Variants in TNR observed in about 807,000 individuals in gnomAD.
The protein encoded by TNR is tenascin-R.
TNR carries 45 observed loss-of-function variants against 150.4 expected under a neutral mutation model. The observed-to-expected ratio is 0.30, with a 90% CI of 0.24 to 0.38. The LOEUF (loss-of-function observed/expected upper bound fraction) is 0.38, where lower values mean the gene tolerates loss of function less well. TNR is among the 10% of genes least tolerant of loss of function. The pLI is 1.00. For synonymous variants in TNR, 687 were observed against 678.4 expected, an observed-to-expected ratio of 1.01 and a Z score of -0.20; for missense variants, 1,544 against 1,759.1, an observed-to-expected ratio of 0.88 and a Z score of 2.19.
intron 1 of TNR, among the ~76,000 whole-genome samples, chr1:175,647,210 C>CAA (rs149225510): frequency 6.6e-6 from 1 of 151,244 alleles, no homozygotes; most frequent in African/African-American, 2.4e-5. Flanking sequence ...TTGGCATATG[C>CAA]AAAAAAAAGG....
intron 2 of TNR, among the ~76,000 whole-genome samples, chr1:175,506,849 C>T (rs1658976303): frequency 6.6e-6 from 1 of 152,262 alleles, no homozygotes; most frequent in Non-Finnish European, 1.5e-5. Context: ...TAGGCACCCA[C>T]TCTGGGCCAG....
At chr1:175,430,837 C>A (rs1270904435) in intron 2 of TNR, among the ~76,000 whole-genome samples, 1 of 152,110 alleles carries the variant, frequency 6.6e-6, no homozygotes, top group Non-Finnish European at 1.5e-5. Context: ...AGGGAAACAT[C>A]ATTACTTAAA....
chr1:175,454,615 G>T (rs922102261), intron 2 of TNR, among the ~76,000 whole-genome samples: 3 of 152,130 alleles, frequency 2.0e-5, no homozygotes, highest in African/African-American at 7.2e-5. Context: ...GGGATTACAG[G>T]CATGTGCCAC....
intron 18 of TNR, among the ~76,000 whole-genome samples, chr1:175,346,845 G>T (rs1650810782): frequency 6.7e-6 from 1 of 149,366 alleles, no homozygotes; most frequent in Non-Finnish European, 1.5e-5. Context: ...TGCCCAGGTG[G>T]TTTTAGTGAG....
chr1:175,323,196 A>T lies in TNR; in HGVS notation c.*161T>A. The T allele has an allele frequency of 1.1e-6, 1 of 929,006 alleles. No homozygotes were observed. The highest frequency in any genetic ancestry group is 1.5e-6 in the Non-Finnish European group (1 of 647,042). 57.5% of individuals were successfully genotyped at this position (929,006 alleles called of 1,614,324 possible). A position where few individuals can be genotyped will look rare whatever the true frequency, so the allele number is the denominator to read the frequency against. On this transcript the variant is annotated 3_prime_UTR_variant, in exon 23 of 23. Transcript: ENST00000367674. Reference sequence around the variant, plus strand: ...GTCAGGCTCCAGGGCAGCAGAAACCAAGAGCAGATGTTAGCCAGCGGATTC... The same window carrying T: ...GTCAGGCTCCAGGGCAGCAGAAACCTAGAGCAGATGTTAGCCAGCGGATTC...
chr1:175,335,872 G>T, intron 19 of TNR, 65 bp from the exon 20 acceptor site: 2 of 1,433,512 alleles, frequency 1.4e-6, no homozygotes, highest in South Asian at 1.2e-5. Flanking sequence ...GAGATGCTAA[G>T]GAAAATAAAC....
chr1:175,588,502 T>C (rs368921675), intron 1 of TNR, among the ~76,000 whole-genome samples: 1 of 152,242 alleles, frequency 6.6e-6, no homozygotes, highest in African/African-American at 2.4e-5. Flanking sequence ...CACAATCATC[T>C]AGACAAATGT....
chr1:175,602,139 G>T (rs1339734396), intron 1 of TNR, among the ~76,000 whole-genome samples: 1 of 138,120 alleles, frequency 7.2e-6, no homozygotes, highest in Admixed American at 8.1e-5. Flanking sequence ...TGTCCTCCAG[G>T]CTCCTGCCAA....
At position 175,530,292 on chromosome 1, in the gene TNR, G is replaced by T. The variant is rs530112801; in HGVS notation, c.-164-1923C>A. Among the ~76,000 whole-genome samples, 5 of 152,268 alleles carry T rather than the reference G, an allele frequency of 3.3e-5. No individual in the cohort carries two copies. The East Asian group carries it at 7.7e-4, about 24-fold the overall frequency. On this transcript the variant is annotated intron_variant, in intron 1 of 22. Transcript: ENST00000367674. ...GTGGAACTGGCCAGAGGGAACGTTG[G>T]AGGTGTCCTGCATTGAAAAAGGATC...
At chr1:175,546,176 A>C (rs1262580158) in intron 1 of TNR, among the ~76,000 whole-genome samples, 1 of 152,220 alleles carries the variant, frequency 6.6e-6, no homozygotes, top group African/African-American at 2.4e-5. Context: ...GAGGAAGCCA[A>C]GCTCATTTTT....
chr1:175,361,848 C>T (rs1253704301), intron 14 of TNR, among the ~76,000 whole-genome samples: 8 of 152,164 alleles, frequency 5.3e-5, no homozygotes, highest in Admixed American at 4.6e-4. Flanking sequence ...CATGTTCTGC[C>T]TGGTGTACTT....
chr1:175,532,545 A>T (rs1450912924), intron 1 of TNR, among the ~76,000 whole-genome samples: 1 of 152,242 alleles, frequency 6.6e-6, no homozygotes, highest in East Asian at 1.9e-4. Flanking sequence ...TAAGAAGTTC[A>T]TGAATTCTCC....
intron 1 of TNR, among the ~76,000 whole-genome samples, chr1:175,676,322 C>G (rs1374598108): frequency 6.6e-6 from 1 of 152,136 alleles, no homozygotes; most frequent in Non-Finnish European, 1.5e-5. Context: ...ACATCAGTTT[C>G]TGGAGGGCAA....
intron 8 of TNR, among the ~76,000 whole-genome samples, chr1:175,381,660 A>G (rs920690837): frequency 6.6e-6 from 1 of 152,230 alleles, no homozygotes; most frequent in African/African-American, 2.4e-5. Context: ...CAGCAAGTCA[A>G]GAGCGAGGCA....
intron 1 of TNR, among the ~76,000 whole-genome samples, chr1:175,656,181 TGTGTG>T (rs1665169972): frequency 2.0e-5 from 3 of 146,892 alleles, no homozygotes; most frequent in African/African-American, 8.1e-5. Context: ...TGTGTGTGTG[TGTGTG>T]TGTGTATGTG....
At chr1:175,573,111 G>A (rs903460012) in intron 1 of TNR, among the ~76,000 whole-genome samples, 2 of 152,232 alleles carry the variant, frequency 1.3e-5, no homozygotes, top group African/African-American at 4.8e-5. Context: ...TGATTAGCGT[G>A]CCTAAGCAGA....
intron 9 of TNR, among the ~76,000 whole-genome samples, chr1:175,376,528 A>C (rs1413614595): frequency 2.6e-5 from 4 of 152,254 alleles, no homozygotes; most frequent in Non-Finnish European, 4.4e-5. Context: ...ATTCAGATCA[A>C]ACTGTGTCTG....
At chr1:175,694,717 C>A (rs1219601358) in intron 1 of TNR, among the ~76,000 whole-genome samples, 1 of 152,076 alleles carries the variant, frequency 6.6e-6, no homozygotes, top group African/African-American at 2.4e-5. Context: ...TAGAATGGGC[C>A]CTAATCCCCT....
At position 175,356,409 on chromosome 1, in the gene TNR, C is replaced by T. The variant is rs1249503442; in HGVS notation, c.3028G>A (p.Asp1010Asn). ...DGVSEEFRLVDLLPSTHYTAT... is the reference protein window; with the variant it reads ...DGVSEEFRLVNLLPSTHYTAT... ...GTATAGTGGGTGCTAGGAAGCAGGT[C>T]AACAAGCCGAAATTCCTCACTGACT... is the stretch of plus-strand genomic sequence containing the variant. The change falls in exon 16 of 23, where the codon GAC becomes AAC. Residue 1010 changes from aspartate (D) to asparagine (N), a missense_variant. Physicochemically the swap from Asp to Asn is conservative, Grantham distance 23. This residue lies in a region of TNR where 1,254 missense variants were observed against 1,329.4 expected (regional missense o/e 0.94). Transcript: ENST00000367674. 4 of 1,613,982 alleles carry T rather than the reference C, an allele frequency of 2.5e-6. No homozygotes were observed. The South Asian group carries it at 3.3e-5, about 13-fold the overall frequency.
Sources: gnomAD v4.1 joint callset for allele counts (sites outside exome capture counted in the v4.1 genomes callset) on GRCh38, gnomAD v4.1.1 for gene constraint, gnomAD v4.1.1 regional missense constraint, MANE v1.5 for transcripts, NCBI Gene and HGNC (gene_info 2026-07-23, HGNC 2026-07-21) for gene names.